EML4: variants seen among roughly 807,000 people sequenced by gnomAD.
The protein encoded by EML4 is EMAP like 4, also known as echinoderm microtubule-associated protein-like 4.
Under a neutral mutation model 129.0 loss-of-function variants are expected in EML4, and 72 were observed. The observed-to-expected ratio is 0.56, with a 90% CI of 0.46 to 0.68. The LOEUF (loss-of-function observed/expected upper bound fraction) is 0.68, where lower values mean the gene tolerates loss of function less well. EML4 is among the 30% of genes least tolerant of loss of function. EML4 has a pLI of 0.00. For synonymous variants in EML4, 532 were observed against 405.0 expected, an observed-to-expected ratio of 1.31 and a Z score of -3.77; for missense variants, 1,363 against 1,190.6, an observed-to-expected ratio of 1.14 and a Z score of -2.13.
intron 6 of EML4, among the ~76,000 whole-genome samples, chr2:42,272,331 T>C (rs1039040801): frequency 6.6e-6 from 1 of 152,300 alleles, no homozygotes; most frequent in East Asian, 1.9e-4. Context: ...ACCAAAAATA[T>C]TCTATTGTTT....
intron 1 of EML4, among the ~76,000 whole-genome samples, chr2:42,219,890 C>A (rs1411425086): frequency 6.7e-6 from 1 of 149,302 alleles, no homozygotes; most frequent in Non-Finnish European, 1.5e-5. Context: ...CGTGCTACTG[C>A]AGTGCAGCCT....
In EML4 at chr2:42,202,731, T is replaced by C. The variant is rs543856565; in HGVS notation, c.25+33095T>C. ...GCTGATTAGATTGTGCCCACCCCGA[T>C]TGAGGGTAGGTCTGCCTTTCCCAAT... On this transcript the variant is annotated intron_variant, in intron 1 of 22. Transcript: ENST00000318522. Among the ~76,000 whole-genome samples the C allele has an allele frequency of 3.9e-5, 6 of 152,284 alleles. No homozygotes were observed. The South Asian group carries it at 1.0e-3, about 26-fold the overall frequency.
chr2:42,284,627 T>C lies in EML4; in HGVS notation c.942-7T>C. The C allele has an allele frequency of 1.2e-6, 2 of 1,607,726 alleles. No homozygotes were observed. Among genetic ancestry groups the C allele is most frequent in the Non-Finnish European group, 1.7e-6 (2 of 1,175,804 alleles). ...TGTTTAAAATCATTCTTAATACTGC[T>C]TTTTAGCCTTGCTATACATCCTGAC... On this transcript the variant is annotated splice_polypyrimidine_tract_variant and splice_region_variant and intron_variant, in intron 8 of 22. Transcript: ENST00000318522.
intron 11 of EML4, among the ~76,000 whole-genome samples, chr2:42,292,359 G>A (rs539591569): frequency 4.5e-4 from 69 of 152,226 alleles, no homozygotes; most frequent in Non-Finnish European, 8.1e-4. Context: ...CCAAAAACAT[G>A]GAAACTACCC....
At chr2:42,312,177 C>T (rs1278761854) in intron 17 of EML4, among the ~76,000 whole-genome samples, 1 of 152,176 alleles carries the variant, frequency 6.6e-6, no homozygotes, top group Non-Finnish European at 1.5e-5. Context: ...GAAGCTTCAG[C>T]TCACAGCTCA....
intron 20 of EML4, 48 bp downstream of exon 20, chr2:42,325,602 T>TTTTTTATATATATATA (rs1286364147): frequency 8.0e-6 from 1 of 124,280 alleles, no homozygotes; most frequent in African/African-American, 3.0e-5. Context: ...ATGATTATAT[T>TTTTTTATATATATATA]TATATATATA....
At chr2:42,314,380 T>C (rs929745174) in intron 17 of EML4, among the ~76,000 whole-genome samples, 11 of 152,118 alleles carry the variant, frequency 7.2e-5, no homozygotes, top group African/African-American at 2.7e-4. Flanking sequence ...ATTGCTGCTT[T>C]TTTTGCCCTG....
intron 2 of EML4, among the ~76,000 whole-genome samples, chr2:42,245,889 AT>A (rs1360752202): frequency 6.6e-6 from 1 of 151,940 alleles, no homozygotes; most frequent in Non-Finnish European, 1.5e-5. Context: ...TAATCCACTG[AT>A]TATACTCACA....
intron 1 of EML4, among the ~76,000 whole-genome samples, chr2:42,238,970 G>T (rs1444556844): frequency 6.6e-6 from 1 of 151,478 alleles, no homozygotes; most frequent in Admixed American, 6.6e-5. Context: ...GGTCACCCTA[G>T]GTTGCCCAGG....
intron 1 of EML4, among the ~76,000 whole-genome samples, chr2:42,208,654 T>G (rs1474264895): frequency 6.6e-6 from 1 of 152,010 alleles, no homozygotes; most frequent in Non-Finnish European, 1.5e-5. Flanking sequence ...AGGCTGGTCT[T>G]GAACTCCTGA....
chr2:42,284,721 A>G lies in EML4; in HGVS notation c.1011+18A>G. On this transcript the variant is annotated intron_variant, in intron 9 of 22. Transcript: ENST00000318522. Reference sequence around the variant, plus strand: ...ATGGAAGGGTGAGTGGCATAGTGTTATGCCTTCTGTACCTAGAGACATTGC... The same window carrying G: ...ATGGAAGGGTGAGTGGCATAGTGTTGTGCCTTCTGTACCTAGAGACATTGC... 1 of 1,591,418 alleles carries G rather than the reference A, an allele frequency of 6.3e-7. No individual in the cohort carries two copies. The highest frequency in any genetic ancestry group is 8.6e-7 in the Non-Finnish European group (1 of 1,162,810).
At chr2:42,314,847 C>T (rs1669148847) in intron 17 of EML4, among the ~76,000 whole-genome samples, 1 of 152,158 alleles carries the variant, frequency 6.6e-6, no homozygotes. Flanking sequence ...AAGTACCCAT[C>T]CTTTCCTTCA....
intron 1 of EML4, among the ~76,000 whole-genome samples, chr2:42,183,592 T>C (rs989549628): frequency 1.1e-4 from 16 of 152,370 alleles, no homozygotes; most frequent in African/African-American, 3.8e-4. Context: ...TGTATATGTA[T>C]GTATAAAATA....
At chr2:42,244,065 GTTTTTTTT>G (rs1558534006) in intron 1 of EML4, among the ~76,000 whole-genome samples, 3 of 143,630 alleles carry the variant, frequency 2.1e-5, no homozygotes, top group African/African-American at 7.9e-5. Flanking sequence ...AGCAATTAAT[GTTTTTTTT>G]GTTTTTTGTT....
At chr2:42,237,893 A>G (rs1447205191) in intron 1 of EML4, among the ~76,000 whole-genome samples, 1 of 152,156 alleles carries the variant, frequency 6.6e-6, no homozygotes, top group Non-Finnish European at 1.5e-5. Context: ...CCTGTTAAGT[A>G]CTTAAGTATG....
At position 42,330,233 on chromosome 2, in the gene EML4, T is replaced by C. The variant is rs774488808; in HGVS notation, c.*26T>C. ...CACCCTGGCTTCAGTGCAACTCTTTTCCTTCAGCTGCATGTGATTTTGTGA... is the reference window on the plus strand; with the variant it reads ...CACCCTGGCTTCAGTGCAACTCTTTCCCTTCAGCTGCATGTGATTTTGTGA... On this transcript the variant is annotated 3_prime_UTR_variant, in exon 23 of 23. Transcript: ENST00000318522. 1.9e-6 allele frequency: 3 copies of C among 1,590,416 alleles called. No homozygotes were observed. The East Asian group carries it at 6.7e-5, about 36-fold the overall frequency.
At chr2:42,265,043 C>T (rs2104400968) in intron 6 of EML4, 2 of 1,232,386 alleles carry the variant, frequency 1.6e-6, no homozygotes, top group South Asian at 1.4e-5. Context: ...GCCTGACTTT[C>T]TTCCTTAAAA....
intron 1 of EML4, among the ~76,000 whole-genome samples, chr2:42,237,155 GA>G (rs1188171619): frequency 1.4e-4 from 22 of 151,922 alleles, no homozygotes; most frequent in African/African-American, 4.6e-4. Flanking sequence ...GGCTGGTCTC[GA>G]ACTCCTGAAC....
At chr2:42,293,844 C>T (rs1326437056) in intron 11 of EML4, among the ~76,000 whole-genome samples, 11 of 152,116 alleles carry the variant, frequency 7.2e-5, no homozygotes, top group African/African-American at 1.4e-4. Flanking sequence ...CTCCTGACGT[C>T]GTGATCCACC....
Sources: gnomAD v4.1 joint callset for allele counts (sites outside exome capture counted in the v4.1 genomes callset) on GRCh38, gnomAD v4.1.1 for gene constraint, MANE v1.5 for transcripts, NCBI Gene and HGNC (gene_info 2026-07-23, HGNC 2026-07-21) for gene names.